SCFD2: variants seen among roughly 807,000 people sequenced by gnomAD.
SCFD2 encodes sec1 family domain containing 2, also known as sec1 family domain-containing protein 2.
A neutral mutation model predicts 58.9 loss-of-function variants in SCFD2; 54 were observed. The observed-to-expected ratio is 0.92, with a 90% confidence interval of 0.74 to 1.15. The LOEUF (loss-of-function observed/expected upper bound fraction) is 1.15, where lower values mean the gene tolerates loss of function less well. SCFD2 is among the 50% of genes most tolerant of loss of function. The pLI, the probability that SCFD2 is intolerant of heterozygous loss-of-function variation, is 0.00. For missense variants in SCFD2, 805 were observed against 836.6 expected, an observed-to-expected ratio of 0.96 and a Z score of 0.47; for synonymous variants, 321 against 335.9, an observed-to-expected ratio of 0.96 and a Z score of 0.49.
At chr4:53,133,199 G>A (rs1222688141) in intron 5 of SCFD2, among the ~76,000 whole-genome samples, 2 of 151,996 alleles carry the variant, frequency 1.3e-5, no homozygotes, top group African/African-American at 4.8e-5. Flanking sequence ...GTGGTGGCGG[G>A]TGCCTGTAGT....
chr4:53,019,129 TCTAAGA>T (rs1468546956), intron 5 of SCFD2, among the ~76,000 whole-genome samples: 1 of 152,210 alleles, frequency 6.6e-6, no homozygotes, highest in Non-Finnish European at 1.5e-5. Context: ...TAATTCCATT[TCTAAGA>T]CTTTCTCCTA....
At chr4:53,310,704 CTCTG>C (rs1388236073) in intron 3 of SCFD2, among the ~76,000 whole-genome samples, 4 of 152,264 alleles carry the variant, frequency 2.6e-5, no homozygotes, top group African/African-American at 7.2e-5. Flanking sequence ...ATGAATTTTT[CTCTG>C]TCTTTTAGCA....
intron 6 of SCFD2, among the ~76,000 whole-genome samples, chr4:52,919,331 C>T (rs754226729): frequency 6.6e-6 from 1 of 152,144 alleles, no homozygotes; most frequent in Admixed American, 6.5e-5. Context: ...TCTAGCATGT[C>T]TTTTGGAACT....
chr4:53,064,423 T>C (rs1335300266), intron 5 of SCFD2, among the ~76,000 whole-genome samples: 2 of 93,678 alleles, frequency 2.1e-5, no homozygotes, highest in Admixed American at 1.0e-4. Context: ...CTTTAGGCAA[T>C]TGGAAATGGA....
intron 2 of SCFD2, among the ~76,000 whole-genome samples, chr4:53,323,206 A>C (rs1278207380): frequency 1.3e-5 from 2 of 152,202 alleles, no homozygotes; most frequent in African/African-American, 4.8e-5. Flanking sequence ...AACCAGCTTG[A>C]GTTTTGGTTC....
chr4:53,035,085 C>T (rs2148820884), intron 5 of SCFD2, among the ~76,000 whole-genome samples: 1 of 152,264 alleles, frequency 6.6e-6, no homozygotes, highest in South Asian at 2.1e-4. Context: ...GACTGCAAGG[C>T]CACAGTAACC....
At chr4:53,239,386 C>G (rs1299260085) in intron 4 of SCFD2, among the ~76,000 whole-genome samples, 2 of 88,492 alleles carry the variant, frequency 2.3e-5, no homozygotes, top group Admixed American at 1.5e-4. Context: ...AGAGGGAGAC[C>G]GTGGGGAGAG....
At chr4:52,990,534 T>C (rs1164878439) in intron 5 of SCFD2, among the ~76,000 whole-genome samples, 1 of 152,196 alleles carries the variant, frequency 6.6e-6, no homozygotes, top group African/African-American at 2.4e-5. Context: ...GCTAGCATTA[T>C]TCCCATTTTT....
intron 5 of SCFD2, chr4:52,948,527 T>C: frequency 2.2e-6 from 1 of 456,578 alleles, no homozygotes; most frequent in Non-Finnish European, 4.4e-6. Flanking sequence ...GAAAATGCAA[T>C]TTAATCTGTA....
chr4:53,147,773 T>C (rs1051237818), intron 4 of SCFD2, among the ~76,000 whole-genome samples: 1 of 152,214 alleles, frequency 6.6e-6, no homozygotes. Context: ...TAATGACAGA[T>C]GATGAGTTTT....
At chr4:52,997,335 A>C (rs1246017147) in intron 5 of SCFD2, among the ~76,000 whole-genome samples, 1 of 152,266 alleles carries the variant, frequency 6.6e-6, no homozygotes, top group African/African-American at 2.4e-5. Flanking sequence ...AAGGGATCAA[A>C]GAGCTCTCAG....
intron 5 of SCFD2, among the ~76,000 whole-genome samples, chr4:53,108,710 T>C (rs538461379): frequency 6.6e-6 from 1 of 152,238 alleles, no homozygotes; most frequent in South Asian, 2.1e-4. Flanking sequence ...AGTTCTGAAA[T>C]TGAGGCAGTA....
intron 4 of SCFD2, among the ~76,000 whole-genome samples, chr4:53,237,793 G>T (rs1287488405): frequency 1.9e-5 from 1 of 52,302 alleles, no homozygotes; most frequent in Non-Finnish European, 3.8e-5. Flanking sequence ...CCTCCATCCC[G>T]GACGGGGCGG....
At chr4:53,330,855 C>G (rs1050242304) in intron 2 of SCFD2, among the ~76,000 whole-genome samples, 71 of 152,138 alleles carry the variant, frequency 4.7e-4, no homozygotes, top group African/African-American at 1.6e-3. Context: ...AAACCCATCT[C>G]ACGTGCAGAG....
At chr4:53,044,911 C>CA (rs1190806888) in intron 5 of SCFD2, among the ~76,000 whole-genome samples, 17 of 11,380 alleles carry the variant, frequency 1.5e-3, no homozygotes, top group Non-Finnish European at 4.4e-3. Flanking sequence ...CCCCAACCCC[C>CA]CCCCCCCGCC....
At chr4:53,230,367 C>T (rs1398685634) in intron 4 of SCFD2, among the ~76,000 whole-genome samples, 8 of 152,058 alleles carry the variant, frequency 5.3e-5, no homozygotes, top group Non-Finnish European at 1.2e-4. Flanking sequence ...GACTTGGAAC[C>T]AACCCAAATG....
In SCFD2 at chr4:53,058,364, A is replaced by G. The variant is rs376328723; in HGVS notation, c.1561+86969T>C. Among the ~76,000 whole-genome samples the G allele has an allele frequency of 1.1e-3, 175 of 152,286 alleles. 4 individuals are homozygous for G. The South Asian group carries it at 0.036, about 31-fold the overall frequency. The stretch of plus-strand genomic sequence containing the variant: ...AGTAAAACAAAAGTATGTTTTTAAT[A>G]TATCAGACAGTCAGACAACTATATA... On this transcript the variant is annotated intron_variant, in intron 5 of 8. Transcript: ENST00000401642.
At chr4:53,340,498 G>C (rs1733831195) in intron 2 of SCFD2, among the ~76,000 whole-genome samples, 1 of 152,202 alleles carries the variant, frequency 6.6e-6, no homozygotes, top group Admixed American at 6.5e-5. Context: ...ACAAATCAAG[G>C]AGGCCTTCCT....
intron 4 of SCFD2, among the ~76,000 whole-genome samples, chr4:53,272,333 C>T (rs1479930203): frequency 1.3e-5 from 2 of 152,122 alleles, no homozygotes; most frequent in African/African-American, 4.8e-5. Flanking sequence ...CCATTTGACC[C>T]AGCCATCCCA....
Sources: gnomAD v4.1 joint callset for allele counts (sites outside exome capture counted in the v4.1 genomes callset) on GRCh38, gnomAD v4.1.1 for gene constraint, MANE v1.5 for transcripts, NCBI Gene and HGNC (gene_info 2026-07-23, HGNC 2026-07-21) for gene names.